Variants in BCAS3 observed in about 807,000 individuals in gnomAD.
The protein encoded by BCAS3 is BCAS4/BCAS3 fusion.
A neutral mutation model predicts 116.1 loss-of-function variants in BCAS3; 53 were observed. That is an observed-to-expected ratio of 0.46 (90% CI 0.37 to 0.57). BCAS3 has a LOEUF of 0.57. Among genes scored for constraint, BCAS3 ranks in the 20% least tolerant of loss-of-function variants. The pLI is 0.00. For synonymous variants in BCAS3, 391 were observed against 408.2 expected, an observed-to-expected ratio of 0.96 and a Z score of 0.51; for missense variants, 917 against 1,165.4, an observed-to-expected ratio of 0.79 and a Z score of 3.10.
chr17:60,966,685 G>GAC (rs1236813728), intron 14 of BCAS3, among the ~76,000 whole-genome samples: 1 of 131,616 alleles, frequency 7.6e-6, no homozygotes, highest in Non-Finnish European at 1.6e-5. Flanking sequence ...TTTTTTTTGA[G>GAC]ACAAAGTCTT....
chr17:61,006,034 G>A (rs1433397534), intron 15 of BCAS3, among the ~76,000 whole-genome samples: 1 of 151,878 alleles, frequency 6.6e-6, no homozygotes, highest in Non-Finnish European at 1.5e-5. Context: ...ACCTATGAGT[G>A]AGAATATGCG....
chr17:61,084,626 G>A lies in BCAS3; in HGVS notation c.2425+62G>A, dbSNP rs553908809. 12 of 1,339,278 alleles carry A rather than the reference G, an allele frequency of 9.0e-6. No homozygotes were observed. The highest frequency in any genetic ancestry group is 2.3e-5 in the East Asian group (1 of 43,500). The allele number at this position is 1,339,278 out of a possible 1,614,324, so 83.0% of individuals were successfully genotyped here. A position where few individuals can be genotyped will look rare whatever the true frequency, so the allele number is the denominator to read the frequency against. On this transcript the variant is annotated intron_variant, in intron 22 of 23. Transcript: ENST00000407086. The surrounding 1 kb of genome is among the most constrained non-coding windows in gnomAD (Gnocchi z 5.5). Reference sequence around the variant, plus strand: ...CTGTGCATTTTTAACTAATTTTCTCGCACAATGTAGAGGATGACATTTATT... The same window carrying A: ...CTGTGCATTTTTAACTAATTTTCTCACACAATGTAGAGGATGACATTTATT...
In BCAS3 at chr17:61,233,765, A is replaced by G. The variant is rs1208004985; in HGVS notation, c.2426-134562A>G. Reference sequence around the variant, plus strand: ...TCCTAAGCACAGAACTCTTTTTCTAATAAAATTTTATGCAGGACCCCAATC... The same window carrying G: ...TCCTAAGCACAGAACTCTTTTTCTAGTAAAATTTTATGCAGGACCCCAATC... On this transcript the variant is annotated intron_variant, in intron 22 of 23. Transcript: ENST00000407086. The surrounding 1 kb of genome is among the most constrained non-coding windows in gnomAD (Gnocchi z 4.3). 6.6e-6 allele frequency among the ~76,000 whole-genome samples: 1 copy of G among 152,166 alleles called. No homozygotes were observed. The highest frequency in any genetic ancestry group is 6.5e-5 in the Admixed American group (1 of 15,274).
In BCAS3 at chr17:61,339,871, G is replaced by A. The variant is rs557408642; in HGVS notation, c.2426-28456G>A. On this transcript the variant is annotated intron_variant, in intron 22 of 23. Transcript: ENST00000407086. This position sits in a 1 kb window ranked among gnomAD's most constrained non-coding sequence, Gnocchi z 4.4. ...GAAAACCAGGTGAGTGTGCTGTCCC[G>A]AAAGCCAAGTAGAGAGAGGGTCAAC... Among the ~76,000 whole-genome samples the A allele has an allele frequency of 2.5e-4, 38 of 152,070 alleles. No individual in the cohort carries two copies. The highest frequency in any genetic ancestry group is 4.4e-4 in the Non-Finnish European group (30 of 68,022).
At chr17:61,193,548 C>T (rs1027855756) in intron 22 of BCAS3, among the ~76,000 whole-genome samples, 24 of 148,326 alleles carry the variant, frequency 1.6e-4, no homozygotes, top group South Asian at 4.3e-4. Flanking sequence ...ACCTGAGGTC[C>T]GGAGTTTGAG....
rs533335316 is a variant in BCAS3 at position 61,181,749 on chromosome 17, A to G, written c.2425+97185A>G. 6.6e-6 allele frequency among the ~76,000 whole-genome samples: 1 copy of G among 152,236 alleles called. No individual in the cohort carries two copies. The highest frequency in any genetic ancestry group is 2.1e-4 in the South Asian group (1 of 4,824). On this transcript the variant is annotated intron_variant, in intron 22 of 23. Transcript: ENST00000407086. This position sits in a 1 kb window ranked among gnomAD's most constrained non-coding sequence, Gnocchi z 5.0. ...TAGAAGCTCCACCATGATTTTTTTC[A>G]TTGTCTGCTGTAACTAAGTTTGCCT...
intron 22 of BCAS3, among the ~76,000 whole-genome samples, chr17:61,236,460 T>C (rs1248947646): frequency 1.3e-5 from 2 of 152,090 alleles, no homozygotes; most frequent in Non-Finnish European, 2.9e-5. Context: ...GCTGGGACTA[T>C]AGGCACCCGC....
In BCAS3 at chr17:61,217,956, A is replaced by C. The variant is rs528839448; in HGVS notation, c.2425+133392A>C. 6.6e-6 allele frequency among the ~76,000 whole-genome samples: 1 copy of C among 152,154 alleles called. No individual in the cohort carries two copies. Among genetic ancestry groups the C allele is most frequent in the Admixed American group, 6.5e-5 (1 of 15,286 alleles). ...GTTCTGTTACAACAGATCACTGATA[A>C]TTTAGTGGACTGGTTACCACCAGAA... On this transcript the variant is annotated intron_variant, in intron 22 of 23. Coordinates refer to ENST00000407086, the MANE Select transcript of BCAS3 (RefSeq NM_017679.5). The surrounding 1 kb of genome is among the most constrained non-coding windows in gnomAD (Gnocchi z 5.2).
chr17:60,929,628 T>C (rs1362327597), intron 13 of BCAS3, among the ~76,000 whole-genome samples: 1 of 151,724 alleles, frequency 6.6e-6, no homozygotes, highest in Non-Finnish European at 1.5e-5. Flanking sequence ...TGCAGGTTAG[T>C]TACATATGTA....
At position 60,964,116 on chromosome 17, in the gene BCAS3, CTT is replaced by C; in HGVS notation, c.1221+16766_1221+16767del. Among the ~76,000 whole-genome samples the C allele has an allele frequency of 6.6e-6, 1 of 152,138 alleles. No individual in the cohort carries two copies. The highest frequency in any genetic ancestry group is 2.1e-4 in the South Asian group (1 of 4,826). Reference sequence around the variant, plus strand: ...GTGGACATACTCGTCTTGTTCCAGTCTTTAGAGGAAAGGCCTTCATTTTTTCC... The same window carrying C: ...GTGGACATACTCGTCTTGTTCCAGTCTAGAGGAAAGGCCTTCATTTTTTCC... On this transcript the variant is annotated intron_variant, in intron 14 of 23. Coordinates refer to ENST00000407086, the MANE Select transcript of BCAS3 (RefSeq NM_017679.5). This position sits in a 1 kb window ranked among gnomAD's most constrained non-coding sequence, Gnocchi z 4.6.
intron 15 of BCAS3, among the ~76,000 whole-genome samples, chr17:61,000,385 G>A (rs1281675276): frequency 6.6e-6 from 1 of 152,088 alleles, no homozygotes; most frequent in Non-Finnish European, 1.5e-5. Flanking sequence ...CTTCCTGGTG[G>A]TAGAATCTAT....
At chr17:60,832,516 A>AT (rs2051030353) in intron 7 of BCAS3, among the ~76,000 whole-genome samples, 2 of 152,304 alleles carry the variant, frequency 1.3e-5, no homozygotes, top group East Asian at 1.9e-4. Context: ...GTGCTTTTTT[A>AT]TCCCCTAAGA....
At chr17:61,263,183 G>T (rs2049379131) in intron 22 of BCAS3, among the ~76,000 whole-genome samples, 1 of 152,188 alleles carries the variant, frequency 6.6e-6, no homozygotes, top group Admixed American at 6.5e-5. Flanking sequence ...AAAGCTTAAG[G>T]AAACCAAGAA....
intron 22 of BCAS3, among the ~76,000 whole-genome samples, chr17:61,176,232 T>G (rs945438421): frequency 6.7e-6 from 1 of 149,562 alleles, no homozygotes; most frequent in African/African-American, 2.4e-5. Context: ...ACTGTCAACC[T>G]TATTTATAAG....
intron 22 of BCAS3, among the ~76,000 whole-genome samples, chr17:61,334,664 CAA>C (rs35400660): frequency 6.5e-3 from 329 of 50,868 alleles, no homozygotes; most frequent in Admixed American, 0.015. Context: ...AACTCCATCT[CAA>C]AAAAAAAAAA....
chr17:61,329,558 G>A (rs2056075353), intron 22 of BCAS3, among the ~76,000 whole-genome samples: 1 of 151,334 alleles, frequency 6.6e-6, no homozygotes, highest in Non-Finnish European at 1.5e-5. Flanking sequence ...AGCCAGGATG[G>A]TCTCGATCTC....
intron 16 of BCAS3, among the ~76,000 whole-genome samples, chr17:61,030,353 T>A (rs1216582740): frequency 6.6e-6 from 1 of 152,102 alleles, no homozygotes; most frequent in Non-Finnish European, 1.5e-5. Context: ...CTGTAATTTT[T>A]AAGCAGATAT....
intron 23 of BCAS3, among the ~76,000 whole-genome samples, chr17:61,369,179 C>T (rs2058911731): frequency 6.6e-6 from 1 of 152,210 alleles, no homozygotes; most frequent in African/African-American, 2.4e-5. Context: ...CCTCTTCTTT[C>T]CAAAACCCTT....
intron 4 of BCAS3, among the ~76,000 whole-genome samples, chr17:60,706,233 T>C (rs567641731): frequency 1.3e-5 from 2 of 152,054 alleles, no homozygotes; most frequent in East Asian, 1.9e-4. Context: ...CGGCTAATTT[T>C]TTGTATTTTT....
Sources: gnomAD v4.1 joint callset for allele counts (sites outside exome capture counted in the v4.1 genomes callset) on GRCh38, gnomAD v4.1.1 for gene constraint, Gnocchi (gnomAD v3.1) non-coding constraint, MANE v1.5 for transcripts, NCBI Gene and HGNC (gene_info 2026-07-23, HGNC 2026-07-21) for gene names.